Variants in BRD4 observed in about 807,000 individuals in gnomAD.
The protein encoded by BRD4 is bromodomain-containing protein 4.
A neutral mutation model predicts 142.1 loss-of-function variants in BRD4; 16 were observed. That is an observed-to-expected ratio of 0.11 (90% CI 0.08 to 0.17). The LOEUF is 0.17. Ranked by LOEUF, BRD4 falls within the 10% of genes least tolerant of loss-of-function variation. The pLI, the probability that BRD4 is intolerant of heterozygous loss-of-function variation, is 1.00. For missense variants in BRD4, 1,424 were observed against 1,810.9 expected, an observed-to-expected ratio of 0.79 and a Z score of 3.88; for synonymous variants, 833 against 707.5, an observed-to-expected ratio of 1.18 and a Z score of -2.82.
chr19:15,301,290 C>T (rs760118669), intron 1 of BRD4, among the ~76,000 whole-genome samples: 5 of 152,214 alleles, frequency 3.3e-5, no homozygotes, highest in African/African-American at 4.8e-5. Context: ...GAGCCGGACA[C>T]GGTGGCTCAC....
intron 1 of BRD4, among the ~76,000 whole-genome samples, chr19:15,303,007 C>CAAAAA (rs1213995194): frequency 1.7e-5 from 1 of 57,954 alleles, no homozygotes; most frequent in Non-Finnish European, 3.3e-5. Context: ...GACTCCGTCG[C>CAAAAA]AAAAAAAAAA....
intron 1 of BRD4, among the ~76,000 whole-genome samples, chr19:15,315,433 T>C (rs562297332): frequency 6.6e-6 from 1 of 152,126 alleles, no homozygotes; most frequent in East Asian, 1.9e-4. Context: ...GCATTGGACA[T>C]GGATGTTGAC....
At chr19:15,330,507 T>G (rs1057006003) in intron 1 of BRD4, among the ~76,000 whole-genome samples, 2 of 152,176 alleles carry the variant, frequency 1.3e-5, no homozygotes, top group Non-Finnish European at 2.9e-5. Flanking sequence ...GGCTCATGCC[T>G]GTAATCCCAA....
intron 11 of BRD4, chr19:15,253,427 T>C: frequency 1.2e-6 from 1 of 864,456 alleles, no homozygotes; most frequent in South Asian, 1.7e-5. Context: ...AGGCTGCTGC[T>C]CAGAAGGTGG....
At chr19:15,254,820 G>A (rs536642578) in intron 10 of BRD4, among the ~76,000 whole-genome samples, 3 of 152,292 alleles carry the variant, frequency 2.0e-5, no homozygotes, top group African/African-American at 7.2e-5. Context: ...GAGGAAAGCC[G>A]TAGGCCAGGA....
chr19:15,332,057 GA>G (rs2048166051), intron 1 of BRD4: 1 of 144,884 alleles, frequency 6.9e-6, no homozygotes, highest in African/African-American at 2.5e-5. Flanking sequence ...AGCCGCGAGC[GA>G]CCCCGCCGCC....
At chr19:15,277,656 G>A (rs1028010363) in intron 1 of BRD4, among the ~76,000 whole-genome samples, 1 of 150,688 alleles carries the variant, frequency 6.6e-6, no homozygotes, top group African/African-American at 2.4e-5. Context: ...CAGGCATGGT[G>A]GTGTACACCT....
At chr19:15,258,987 C>A (rs922765200) in intron 7 of BRD4, among the ~76,000 whole-genome samples, 5 of 152,232 alleles carry the variant, frequency 3.3e-5, no homozygotes, top group Admixed American at 1.3e-4. Context: ...ACCAGTTAGC[C>A]TCCCAGGAGT....
At chr19:15,314,313 A>C (rs1470453926) in intron 1 of BRD4, among the ~76,000 whole-genome samples, 1 of 152,220 alleles carries the variant, frequency 6.6e-6, no homozygotes, top group Non-Finnish European at 1.5e-5. Flanking sequence ...CTAGCCTCCA[A>C]GAACAGAGGA....
intron 7 of BRD4, 44 bp from the exon 8 acceptor site, chr19:15,257,217 G>A (rs745919275): frequency 1.3e-6 from 2 of 1,541,026 alleles, no homozygotes; most frequent in South Asian, 1.2e-5. Flanking sequence ...GGGTACCCAG[G>A]CCGCGGCCTA....
intron 1 of BRD4, among the ~76,000 whole-genome samples, chr19:15,310,648 C>G (rs992604871): frequency 5.9e-5 from 9 of 151,948 alleles, no homozygotes; most frequent in Admixed American, 5.9e-4. Flanking sequence ...CGTGAGCCAC[C>G]GCGCCTGGCC....
intron 7 of BRD4, among the ~76,000 whole-genome samples, chr19:15,259,519 G>A (rs548460244): frequency 6.6e-6 from 1 of 152,308 alleles, no homozygotes; most frequent in East Asian, 1.9e-4. Context: ...AAGACACAAA[G>A]TCAGCTAAGA....
chr19:15,259,256 G>C (rs2047444184), intron 7 of BRD4, among the ~76,000 whole-genome samples: 1 of 152,218 alleles, frequency 6.6e-6, no homozygotes, highest in Admixed American at 6.5e-5. Flanking sequence ...ATCATGAAGG[G>C]AGATAATCAG....
chr19:15,248,459 G>A (rs553579790), intron 11 of BRD4: 1 of 219,428 alleles, frequency 4.6e-6, no homozygotes, highest in African/African-American at 2.2e-5. Flanking sequence ...GGGGATGATA[G>A]GCCCAAGGCC....
intron 1 of BRD4, among the ~76,000 whole-genome samples, chr19:15,328,692 CTCT>C (rs1240079520): frequency 6.6e-6 from 1 of 152,202 alleles, no homozygotes; most frequent in Non-Finnish European, 1.5e-5. Context: ...ATTTAAGGTG[CTCT>C]TCTAGGCACA....
intron 1 of BRD4, among the ~76,000 whole-genome samples, chr19:15,320,772 G>A (rs183239765): frequency 6.6e-6 from 1 of 152,242 alleles, no homozygotes; most frequent in Non-Finnish European, 1.5e-5. Flanking sequence ...CATCTTCTAC[G>A]AAAATATTTG....
chr19:15,276,645 T>C (rs1452388145), intron 1 of BRD4, among the ~76,000 whole-genome samples: 1 of 152,144 alleles, frequency 6.6e-6, no homozygotes, highest in African/African-American at 2.4e-5. Context: ...GGTGAACCCT[T>C]AGTGACCATA....
In BRD4 at chr19:15,238,750, C is replaced by T. The variant is rs772267056; in HGVS notation, c.4013G>A (p.Arg1338Gln). Residue 1338 changes from arginine (R) to glutamine (Q), a missense_variant, in exon 19 of 20, where the codon CGG becomes CAG. Physicochemically the swap from Arg to Gln is conservative, Grantham distance 43. Transcript: ENST00000679869. This position sits in a 1 kb window ranked among gnomAD's most constrained non-coding sequence, Gnocchi z 7.2. Reference protein sequence around the residue: ...ARKREQERRRREAMAATIDMN... With the variant: ...ARKREQERRRQEAMAATIDMN... The stretch of plus-strand genomic sequence containing the variant: ...CCAGGCCTCCAGACTCACGGCTTCC[C>T]GGCGTCTTCGCTCCTGCTCCCGCTT... 1.9e-5 allele frequency: 29 copies of T among 1,544,360 alleles called. No individual in the cohort carries two copies. Among genetic ancestry groups the T allele is most frequent in the Non-Finnish European group, 2.5e-5 (29 of 1,143,488 alleles).
chr19:15,303,411 C>CG (rs1021627108), intron 1 of BRD4, among the ~76,000 whole-genome samples: 162 of 151,924 alleles, frequency 1.1e-3, no homozygotes, highest in African/African-American at 3.8e-3. Context: ...GGGGATGGGG[C>CG]GGGGGGAGAA....
Sources: gnomAD v4.1 joint callset for allele counts (sites outside exome capture counted in the v4.1 genomes callset) on GRCh38, gnomAD v4.1.1 for gene constraint, Gnocchi (gnomAD v3.1) non-coding constraint, MANE v1.5 for transcripts, NCBI Gene and HGNC (gene_info 2026-07-23, HGNC 2026-07-21) for gene names.